Variants in TRMT11 observed in about 807,000 individuals in gnomAD.
The protein encoded by TRMT11 is tRNA (guanine(10)-N(2))-methyltransferase TRMT11.
A neutral mutation model predicts 62.8 loss-of-function variants in TRMT11; 53 were observed. The observed-to-expected ratio is 0.84, with a 90% CI of 0.68 to 1.06. TRMT11 has a LOEUF of 1.06. Ranked by LOEUF, TRMT11 falls within the 50% of genes least tolerant of loss-of-function variation. The probability of loss-of-function intolerance (pLI) is 0.00; values close to 1 mark genes in which losing one functional copy is unlikely to be tolerated. For synonymous variants in TRMT11, 188 were observed against 190.3 expected, an observed-to-expected ratio of 0.99 and a Z score of 0.10; for missense variants, 556 against 553.4, an observed-to-expected ratio of 1.00 and a Z score of -0.05.
intron 17 of TRMT11, among the ~76,000 whole-genome samples, chr6:126,073,781 G>A (rs919789119): frequency 3.3e-5 from 5 of 152,020 alleles, no homozygotes; most frequent in Non-Finnish European, 5.9e-5. Flanking sequence ...CTCACGCTGC[G>A]AATAAAGACA....
intron 11 of TRMT11, among the ~76,000 whole-genome samples, chr6:126,016,768 T>C (rs1057048412): frequency 1.3e-5 from 2 of 151,946 alleles, no homozygotes. Context: ...GTCTAACACA[T>C]GTGGGAAGAC....
intron 21 of TRMT11, among the ~76,000 whole-genome samples, chr6:126,140,420 C>G (rs1373522241): frequency 6.6e-6 from 1 of 151,948 alleles, no homozygotes; most frequent in Non-Finnish European, 1.5e-5. Context: ...TTTGTCTTTA[C>G]TTTGAAAAGT....
the TRMT11 span, among the ~76,000 whole-genome samples, chr6:126,220,669 A>G: frequency 6.6e-6 from 1 of 152,150 alleles, no homozygotes; most frequent in African/African-American, 2.4e-5. Context: ...TCATTACATA[A>G]TTGAACACTT....
At chr6:126,097,064 C>T (rs1488628634) in intron 17 of TRMT11, among the ~76,000 whole-genome samples, 6 of 152,160 alleles carry the variant, frequency 3.9e-5, no homozygotes, top group Admixed American at 3.9e-4. Context: ...GACTTTTCTT[C>T]TTTCAAACAG....
chr6:126,250,286 G>A, the TRMT11 span, among the ~76,000 whole-genome samples: 1 of 152,066 alleles, frequency 6.6e-6, no homozygotes, highest in East Asian at 1.9e-4. Context: ...TAGAATTGCA[G>A]GGGAACTCTC....
At chr6:126,067,178 C>T (rs1399494198) in intron 17 of TRMT11, among the ~76,000 whole-genome samples, 2 of 145,242 alleles carry the variant, frequency 1.4e-5, no homozygotes, top group African/African-American at 2.6e-5. Context: ...CCAGCCTGGG[C>T]GACAGAGTGA....
At chr6:125,993,454 C>G (rs1224677206) in intron 1 of TRMT11, among the ~76,000 whole-genome samples, 1 of 152,186 alleles carries the variant, frequency 6.6e-6, no homozygotes, top group East Asian at 1.9e-4. Flanking sequence ...CATCAATCGT[C>G]AGTCTTACTA....
At chr6:126,244,461 A>C in the TRMT11 span, among the ~76,000 whole-genome samples, 1 of 152,134 alleles carries the variant, frequency 6.6e-6, no homozygotes, top group Non-Finnish European at 1.5e-5. Flanking sequence ...ATTGCATAGA[A>C]TCTATGGCCA....
intron 21 of TRMT11, among the ~76,000 whole-genome samples, chr6:126,164,131 A>C (rs558169203): frequency 6.6e-6 from 1 of 152,322 alleles, no homozygotes; most frequent in South Asian, 2.1e-4. Context: ...ATTTCCCTCT[A>C]AACACTGCTT....
chr6:126,023,325 A>C (rs558700651), intron 12 of TRMT11, among the ~76,000 whole-genome samples: 1 of 152,314 alleles, frequency 6.6e-6, no homozygotes, highest in Admixed American at 6.5e-5. Flanking sequence ...AACCCCGTTG[A>C]TTAACCAATA....
intron 12 of TRMT11, among the ~76,000 whole-genome samples, chr6:126,033,150 G>T (rs1405904581): frequency 6.6e-6 from 1 of 152,152 alleles, no homozygotes; most frequent in East Asian, 1.9e-4. Flanking sequence ...CAGTAATTAG[G>T]AGGATCGTTT....
At chr6:126,122,038 C>G (rs913165008) in intron 21 of TRMT11, among the ~76,000 whole-genome samples, 3 of 152,034 alleles carry the variant, frequency 2.0e-5, no homozygotes, top group Non-Finnish European at 4.4e-5. Context: ...GAGGTTTTCC[C>G]ATGCTGTTCT....
At chr6:126,025,257 TC>T (rs1198626094) in intron 12 of TRMT11, among the ~76,000 whole-genome samples, 3 of 152,192 alleles carry the variant, frequency 2.0e-5, no homozygotes, top group Admixed American at 6.5e-5. Context: ...TTATAATATT[TC>T]CCTAAGCAAA....
downstream of TRMT11, among the ~76,000 whole-genome samples, chr6:126,208,566 C>A (rs1346265024): frequency 6.6e-6 from 1 of 151,970 alleles, no homozygotes; most frequent in East Asian, 1.9e-4. Flanking sequence ...TTCACAAGAA[C>A]CTCTATGACA....
intron 21 of TRMT11, among the ~76,000 whole-genome samples, chr6:126,148,852 G>A (rs1778005083): frequency 6.6e-6 from 1 of 152,134 alleles, no homozygotes; most frequent in South Asian, 2.1e-4. Context: ...AACAGTCAAT[G>A]TTAGCTATTA....
chr6:126,166,031 T>A (rs1345429149), intron 21 of TRMT11, among the ~76,000 whole-genome samples: 3 of 152,154 alleles, frequency 2.0e-5, no homozygotes, highest in African/African-American at 4.8e-5. Context: ...TTTCATTAAG[T>A]TCACCTTCAG....
At chr6:126,179,600 TG>T (rs1778432899) in intron 1 of TRMT11, among the ~76,000 whole-genome samples, 1 of 152,118 alleles carries the variant, frequency 6.6e-6, no homozygotes, top group African/African-American at 2.4e-5. Flanking sequence ...TAACTTGTCA[TG>T]AAAAAATCAA....
intron 16 of TRMT11, among the ~76,000 whole-genome samples, chr6:126,045,625 C>T (rs989702358): frequency 2.6e-5 from 4 of 152,134 alleles, no homozygotes; most frequent in South Asian, 2.1e-4. Flanking sequence ...CTTTTCTGGG[C>T]GTTTGGAGAG....
At chr6:126,079,174 A>G (rs1777102625) in intron 17 of TRMT11, among the ~76,000 whole-genome samples, 1 of 152,180 alleles carries the variant, frequency 6.6e-6, no homozygotes, top group South Asian at 2.1e-4. Context: ...AAGATAGCTA[A>G]GCTCCTAATT....
Sources: gnomAD v4.1 joint callset for allele counts (sites outside exome capture counted in the v4.1 genomes callset) on GRCh38, gnomAD v4.1.1 for gene constraint, MANE v1.5 for transcripts, NCBI Gene and HGNC (gene_info 2026-07-23, HGNC 2026-07-21) for gene names.